VTI1A: variants seen among roughly 807,000 people sequenced by gnomAD.
VTI1A encodes vesicle transport through interaction with t-SNAREs 1A.
In VTI1A, 22 loss-of-function variants were observed where a neutral mutation model predicts 34.9. The observed-to-expected ratio is 0.63, with a 90% CI of 0.45 to 0.90. The LOEUF is 0.90. Among genes scored for constraint, VTI1A ranks in the 40% least tolerant of loss-of-function variants. The pLI is 0.00. For synonymous variants in VTI1A, 87 were observed against 97.3 expected (o/e 0.89, Z 0.62); for missense variants, 268 against 275.6 (o/e 0.97, Z 0.20).
intron 7 of VTI1A, among the ~76,000 whole-genome samples, chr10:112,721,603 G>A (rs1849808919): frequency 2.0e-5 from 3 of 152,186 alleles, no homozygotes; most frequent in Admixed American, 2.0e-4. Context: ...CTGAGGCAGA[G>A]CTGCTTTTCA....
chr10:112,545,842 CGT>C (rs746486835), intron 5 of VTI1A, among the ~76,000 whole-genome samples: 11 of 150,978 alleles, frequency 7.3e-5, no homozygotes, highest in African/African-American at 9.8e-5. Flanking sequence ...CACGCGTGCG[CGT>C]GTGTTTGTGG....
chr10:112,642,383 G>C (rs991137940), intron 5 of VTI1A, among the ~76,000 whole-genome samples: 1 of 152,124 alleles, frequency 6.6e-6, no homozygotes. Context: ...AGTTCTATGG[G>C]TTATCAGCCA....
intron 5 of VTI1A, among the ~76,000 whole-genome samples, chr10:112,561,271 T>C (rs1039522334): frequency 6.6e-6 from 1 of 152,220 alleles, no homozygotes; most frequent in Non-Finnish European, 1.5e-5. Context: ...GAGCTTTGTT[T>C]CTTTTCCACT....
intron 5 of VTI1A, among the ~76,000 whole-genome samples, chr10:112,618,524 T>TATATATATATAGAG (rs748276058): frequency 3.8e-4 from 13 of 34,582 alleles, no homozygotes; most frequent in Non-Finnish European, 4.8e-4. Flanking sequence ...TATATATATA[T>TATATATATATAGAG]AGAGAGAGAG....
chr10:112,635,214 A>T (rs1846305321), intron 5 of VTI1A, among the ~76,000 whole-genome samples: 1 of 152,242 alleles, frequency 6.6e-6, no homozygotes, highest in Non-Finnish European at 1.5e-5. Context: ...AAAGAGGATA[A>T]TGCAGGCATG....
chr10:112,725,595 G>T, intron 7 of VTI1A, among the ~76,000 whole-genome samples: 2 of 152,066 alleles, frequency 1.3e-5, no homozygotes, highest in East Asian at 1.9e-4. Flanking sequence ...ATTACAACAT[G>T]GTAATGTTCA....
chr10:112,845,261 T>C, the VTI1A span, among the ~76,000 whole-genome samples: 1 of 152,044 alleles, frequency 6.6e-6, no homozygotes, highest in Non-Finnish European at 1.5e-5. Flanking sequence ...TCTGCACAAG[T>C]TGGGGCAGGA....
At chr10:112,545,825 GT>G (rs1357793759) in intron 5 of VTI1A, among the ~76,000 whole-genome samples, 1 of 152,086 alleles carries the variant, frequency 6.6e-6, no homozygotes, top group Non-Finnish European at 1.5e-5. Flanking sequence ...TCTCGTGTGT[GT>G]GTGCGCACGC....
At chr10:112,464,276 G>A (rs1847825516) in intron 2 of VTI1A, among the ~76,000 whole-genome samples, 1 of 152,262 alleles carries the variant, frequency 6.6e-6, no homozygotes, top group African/African-American at 2.4e-5. Context: ...GGGATGATGG[G>A]CGTGAGCCAC....
chr10:112,836,468 C>G, the VTI1A span, among the ~76,000 whole-genome samples: 1 of 152,202 alleles, frequency 6.6e-6, no homozygotes, highest in Non-Finnish European at 1.5e-5. Flanking sequence ...TCCATGCCCC[C>G]TCACGTGCTC....
chr10:112,620,856 C>T (rs1845708940), intron 5 of VTI1A, among the ~76,000 whole-genome samples: 1 of 151,552 alleles, frequency 6.6e-6, no homozygotes, highest in Admixed American at 6.6e-5. Context: ...TAGGAGAATT[C>T]AGAGATACTT....
At chr10:112,489,350 C>T (rs908377936) in intron 3 of VTI1A, among the ~76,000 whole-genome samples, 4 of 152,198 alleles carry the variant, frequency 2.6e-5, no homozygotes, top group African/African-American at 7.2e-5. Context: ...TGCTGTTTCT[C>T]ATCCTACTCT....
chr10:112,755,829 A>G (rs1851265340), intron 7 of VTI1A, among the ~76,000 whole-genome samples: 1 of 152,196 alleles, frequency 6.6e-6, no homozygotes. Context: ...TCAGTCAGCT[A>G]AGACAGGTTG....
intron 7 of VTI1A, among the ~76,000 whole-genome samples, chr10:112,783,765 T>G (rs1382908952): frequency 6.6e-6 from 1 of 152,190 alleles, no homozygotes. Context: ...ACCTTAACCC[T>G]GGAGGCAGGT....
rs773340119 is a variant in VTI1A at position 112,668,969 on chromosome 10, C to T, written c.531C>T (p.Ser177=). The T allele has an allele frequency of 6.2e-7, 1 of 1,612,430 alleles. No homozygotes were observed. The highest frequency in any genetic ancestry group is 8.5e-7 in the Non-Finnish European group (1 of 1,178,766). ...AAACAGATGCTAATTTGGGAAAAAGCTCCAGGATTCTGACAGGGATGTTGC... is the reference window on the plus strand; with the variant it reads ...AAACAGATGCTAATTTGGGAAAAAGTTCCAGGATTCTGACAGGGATGTTGC... ...LRETDANLGK[S]SRILTGMLRR... Residue 177 remains serine, a synonymous_variant, in exon 7 of 8, where the codon AGC becomes AGT. Transcript: ENST00000393077.
At chr10:112,588,380 A>G (rs1427052080) in intron 5 of VTI1A, among the ~76,000 whole-genome samples, 1 of 152,240 alleles carries the variant, frequency 6.6e-6, no homozygotes, top group Non-Finnish European at 1.5e-5. Context: ...TAACAAAAGT[A>G]GTCAATATAA....
intron 7 of VTI1A, among the ~76,000 whole-genome samples, chr10:112,687,426 G>A (rs1290535164): frequency 2.0e-5 from 3 of 151,080 alleles, no homozygotes; most frequent in Non-Finnish European, 3.0e-5. Context: ...GTAGAGATGG[G>A]GTTTCACCTT....
chr10:112,842,376 C>T, the VTI1A span, among the ~76,000 whole-genome samples: 7 of 152,158 alleles, frequency 4.6e-5, no homozygotes, highest in African/African-American at 1.7e-4. Flanking sequence ...TGTTTACTAG[C>T]TCACATCAAA....
intron 7 of VTI1A, among the ~76,000 whole-genome samples, chr10:112,764,342 G>T (rs149243398): frequency 6.6e-6 from 1 of 152,110 alleles, no homozygotes; most frequent in Non-Finnish European, 1.5e-5. Context: ...GGAGACTTGC[G>T]GTGTGGTTAA....
Sources: gnomAD v4.1 joint callset for allele counts (sites outside exome capture counted in the v4.1 genomes callset) on GRCh38, gnomAD v4.1.1 for gene constraint, MANE v1.5 for transcripts, NCBI Gene and HGNC (gene_info 2026-07-23, HGNC 2026-07-21) for gene names.